Variants in CNTN4 observed in about 807,000 individuals in gnomAD.
CNTN4 encodes the protein contactin 4.
In CNTN4, 77 loss-of-function variants were observed where a neutral mutation model predicts 122.5. The ratio of observed to expected loss-of-function variants is 0.63; its 90% CI spans 0.52 to 0.76. CNTN4 has a LOEUF of 0.76. Among genes scored for constraint, CNTN4 ranks in the 30% least tolerant of loss-of-function variants. The probability of loss-of-function intolerance (pLI) is 0.00; values close to 1 mark genes in which losing one functional copy is unlikely to be tolerated. For synonymous variants in CNTN4, 512 were observed against 447.0 expected, an observed-to-expected ratio of 1.15 and a Z score of -1.83; for missense variants, 1,256 against 1,259.1, an observed-to-expected ratio of 1.00 and a Z score of 0.04.
intron 6 of CNTN4, among the ~76,000 whole-genome samples, chr3:2,778,136 C>T (rs1056508648): frequency 2.1e-5 from 3 of 139,630 alleles, no homozygotes; most frequent in African/African-American, 8.3e-5. Flanking sequence ...ATGGCGGGAA[C>T]CCAGGAAGCG....
intron 3 of CNTN4, among the ~76,000 whole-genome samples, chr3:2,470,025 C>G (rs1038101401): frequency 1.3e-5 from 2 of 151,494 alleles, no homozygotes; most frequent in African/African-American, 4.8e-5. Context: ...CATTGCTTTT[C>G]AAGGTTCTAT....
chr3:2,981,337 G>C (rs747653268), intron 13 of CNTN4, among the ~76,000 whole-genome samples: 1 of 151,688 alleles, frequency 6.6e-6, no homozygotes, highest in East Asian at 1.9e-4. Context: ...CCAGCTACTC[G>C]GGAGGCTGAG....
chr3:3,008,827 C>T (rs1208342624), intron 14 of CNTN4, among the ~76,000 whole-genome samples: 5 of 152,108 alleles, frequency 3.3e-5, no homozygotes, highest in African/African-American at 1.2e-4. Flanking sequence ...TTGCACCAAC[C>T]TAATATAATA....
chr3:2,193,909 T>A (rs142659284), intron 2 of CNTN4, among the ~76,000 whole-genome samples: 42 of 152,338 alleles, frequency 2.8e-4, no homozygotes, highest in African/African-American at 9.4e-4. Flanking sequence ...AGGTGTGTAG[T>A]AGGCTATATC....
chr3:2,209,193 C>A (rs766897896), intron 2 of CNTN4, among the ~76,000 whole-genome samples: 6 of 152,088 alleles, frequency 3.9e-5, no homozygotes, highest in African/African-American at 2.4e-5. Context: ...TTTTACAGAG[C>A]CTCTGAGTCC....
intron 3 of CNTN4, among the ~76,000 whole-genome samples, chr3:2,439,047 A>G (rs1354896601): frequency 6.6e-6 from 1 of 152,212 alleles, no homozygotes; most frequent in Non-Finnish European, 1.5e-5. Context: ...ACCTAGAATC[A>G]TGGGAAATGT....
intron 6 of CNTN4, among the ~76,000 whole-genome samples, chr3:2,752,172 A>G (rs2090127606): frequency 6.6e-6 from 1 of 152,170 alleles, no homozygotes; most frequent in African/African-American, 2.4e-5. Context: ...CAAAAACTTA[A>G]TTGACTCATA....
chr3:2,967,125 G>T lies in CNTN4; in HGVS notation c.1359-21220G>T, dbSNP rs189122243. Among the ~76,000 whole-genome samples, 57 of 152,258 alleles carry T rather than the reference G, an allele frequency of 3.7e-4. 3 individuals are homozygous for T. The highest frequency in any genetic ancestry group is 1.3e-3 in the African/African-American group (52 of 41,554). ...GATCAGAGTTTTTAAGGATAATTTGGTGGGTTGGTGGGGAGCAGGGGGCAG... is the reference window on the plus strand; with the variant it reads ...GATCAGAGTTTTTAAGGATAATTTGTTGGGTTGGTGGGGAGCAGGGGGCAG... On this transcript the variant is annotated intron_variant, in intron 13 of 24. Coordinates refer to ENST00000418658, the MANE Select transcript of CNTN4 (RefSeq NM_175607.3).
At chr3:2,222,664 C>T (rs2039107204) in intron 2 of CNTN4, among the ~76,000 whole-genome samples, 1 of 151,828 alleles carries the variant, frequency 6.6e-6, no homozygotes, top group East Asian at 1.9e-4. Flanking sequence ...CCCCCCACAC[C>T]CCCAACACAC....
Position 2,373,104 on chromosome 3 carries a change from C to A in CNTN4, c.-89+33871C>A, listed in dbSNP as rs143121226. On this transcript the variant is annotated intron_variant, in intron 3 of 24. Transcript: ENST00000418658. ...ACCTGAAAAGGGCTTTGTTTCTAAT[C>A]CCCCTGGGGTTCCCAAAACTTTTTA... Among the ~76,000 whole-genome samples the A allele has an allele frequency of 4.3e-3, 651 of 152,228 alleles. 8 individuals are homozygous for A. The highest frequency in any genetic ancestry group is 0.015 in the African/African-American group (630 of 41,544).
chr3:2,120,390 T>TAAATATATATATATAA (rs2033670597), intron 2 of CNTN4, among the ~76,000 whole-genome samples: 2 of 28,790 alleles, frequency 6.9e-5, no homozygotes, highest in African/African-American at 1.9e-4. Flanking sequence ...TATATATATA[T>TAAATATATATATATAA]ATATATATAT....
At position 2,858,597 on chromosome 3, in the gene CNTN4, C is replaced by A. The variant is rs116664091; in HGVS notation, c.455-8155C>A. Among the ~76,000 whole-genome samples the A allele has an allele frequency of 5.4e-3, 815 of 152,076 alleles. 8 individuals carry two copies. Among genetic ancestry groups the A allele is most frequent in the African/African-American group, 0.018 (746 of 41,498 alleles). On this transcript the variant is annotated intron_variant, in intron 7 of 24. Transcript: ENST00000418658. ...CAAAAATTAGCCAGGCACAGTGGTG[C>A]ACGCCTGTGGTCCCACTTGGGAGGC... is the stretch of plus-strand genomic sequence containing the variant.
chr3:2,600,851 C>G (rs1357969241), intron 4 of CNTN4, among the ~76,000 whole-genome samples: 2 of 152,216 alleles, frequency 1.3e-5, no homozygotes, highest in Admixed American at 6.5e-5. Context: ...TCCACATCCT[C>G]TCCAGCACCT....
At chr3:2,840,568 G>GC (rs1158127431) in intron 7 of CNTN4, among the ~76,000 whole-genome samples, 2,580 of 25,446 alleles carry the variant, frequency 0.1, 923 homozygotes, top group Middle Eastern at 0.16. Flanking sequence ...GCGCGGTGAT[G>GC]GGCGCCTGTA....
chr3:2,673,046 A>T (rs939769894), intron 4 of CNTN4, among the ~76,000 whole-genome samples: 1 of 152,222 alleles, frequency 6.6e-6, no homozygotes, highest in Non-Finnish European at 1.5e-5. Flanking sequence ...TACTTGTCTA[A>T]TGGCAAGTAT....
chr3:2,784,858 A>C (rs1468715406), intron 6 of CNTN4, among the ~76,000 whole-genome samples: 1 of 152,204 alleles, frequency 6.6e-6, no homozygotes, highest in Non-Finnish European at 1.5e-5. Flanking sequence ...GTATTCAATA[A>C]GCGCTAGTTC....
chr3:2,480,701 G>A (rs958924890), intron 3 of CNTN4, among the ~76,000 whole-genome samples: 41 of 152,144 alleles, frequency 2.7e-4, no homozygotes, highest in African/African-American at 9.9e-4. Context: ...CTATAGATTC[G>A]ATGCAGTCCC....
At chr3:2,125,999 G>C (rs1173813274) in intron 2 of CNTN4, among the ~76,000 whole-genome samples, 2 of 151,964 alleles carry the variant, frequency 1.3e-5, no homozygotes, top group Non-Finnish European at 2.9e-5. Context: ...TGATGAGTGT[G>C]ATCAGCACTA....
At chr3:2,675,286 C>A (rs1183045390) in intron 4 of CNTN4, among the ~76,000 whole-genome samples, 2 of 152,066 alleles carry the variant, frequency 1.3e-5, no homozygotes, top group African/African-American at 4.8e-5. Context: ...CCAGAACATG[C>A]CAAGCCTTTT....
Sources: gnomAD v4.1 joint callset for allele counts (sites outside exome capture counted in the v4.1 genomes callset) on GRCh38, gnomAD v4.1.1 for gene constraint, MANE v1.5 for transcripts, NCBI Gene and HGNC (gene_info 2026-07-23, HGNC 2026-07-21) for gene names.